The following SHC2 variants were observed in gnomAD, a reference collection of about 807,000 sequenced individuals.
SHC2 encodes the protein SHC-transforming protein 2.
Under a neutral mutation model 60.6 loss-of-function variants are expected in SHC2, and 62 were observed. That is an observed-to-expected ratio of 1.02 (90% CI 0.83 to 1.26). The LOEUF (loss-of-function observed/expected upper bound fraction) is 1.26, where lower values mean the gene tolerates loss of function less well. Ranked by LOEUF, SHC2 falls within the 50% of genes most tolerant of loss-of-function variation. The pLI is 0.00. For synonymous variants in SHC2, 375 were observed against 372.4 expected, an observed-to-expected ratio of 1.01 and a Z score of -0.08; for missense variants, 873 against 822.2, an observed-to-expected ratio of 1.06 and a Z score of -0.76.
In SHC2 at chr19:436,223, C is replaced by T. The variant is rs755232191; in HGVS notation, c.895G>A (p.Glu299Lys). The change falls in exon 7 of 13, where the codon GAG becomes AAG. Residue 299 changes from glutamate to lysine, a missense_variant. Coordinates refer to ENST00000264554, the MANE Select transcript of SHC2 (RefSeq NM_012435.3). ...TGCAGGTACTGCTTGAAGCGCAGCT[C>T]GAAAGCTTGGCCCACGGTGCTGATG... Reference protein sequence around the residue: ...SIISTVGQAFELRFKQYLHSP... With the variant: ...SIISTVGQAFKLRFKQYLHSP... 24 of 1,603,524 alleles carry T rather than the reference C, an allele frequency of 1.5e-5. No individual in the cohort carries two copies. The highest frequency in any genetic ancestry group is 3.4e-5 in the South Asian group (3 of 89,306).
chr19:419,259 A>G lies in SHC2; in HGVS notation c.1621-203T>C, dbSNP rs867041064. 19 of 582,952 alleles carry G rather than the reference A, an allele frequency of 3.3e-5. No individual in the cohort carries two copies. In the Middle Eastern group the frequency reaches 1.9e-3, roughly 58 times the overall value. The allele number at this position is 582,952 out of a possible 1,614,324, so 36.1% of individuals were successfully genotyped here. A position where few individuals can be genotyped will look rare whatever the true frequency, so the allele number is the denominator to read the frequency against. Reference sequence around the variant, plus strand: ...CATGGGCACGGGCTCTGAAACCCCCAGGGTTCTGGGGCCACGCTTCCTGTC... The same window carrying G: ...CATGGGCACGGGCTCTGAAACCCCCGGGGTTCTGGGGCCACGCTTCCTGTC... On this transcript the variant is annotated intron_variant, in intron 11 of 12. Coordinates refer to ENST00000264554, the MANE Select transcript of SHC2 (RefSeq NM_012435.3).
At chr19:450,791 G>A (rs1975164331) in intron 1 of SHC2, among the ~76,000 whole-genome samples, 1 of 151,824 alleles carries the variant, frequency 6.6e-6, no homozygotes, top group African/African-American at 2.4e-5. Flanking sequence ...ATTTCAGCAT[G>A]TGGATGGCCA....
rs1390898313 is a variant in SHC2, at chr19:453,933, C to G, written c.468+6596G>C. On this transcript the variant is annotated intron_variant, in intron 1 of 12. Transcript: ENST00000264554. The surrounding 1 kb of genome is among the most constrained non-coding windows in gnomAD (Gnocchi z 6.3). ...ACGGGACTTCTGTGTATGGACGAGC[C>G]CAGCGCCAAAATGGTACGTGTGGGA... Among the ~76,000 whole-genome samples the G allele has an allele frequency of 6.6e-6, 1 of 152,168 alleles. No homozygotes were observed. The highest frequency in any genetic ancestry group is 1.5e-5 in the Non-Finnish European group (1 of 68,020).
chr19:458,538 C>T (rs1317667369), intron 1 of SHC2, among the ~76,000 whole-genome samples: 2 of 102,568 alleles, frequency 1.9e-5, no homozygotes, highest in Non-Finnish European at 4.0e-5. Context: ...GAGGCGGATT[C>T]GGGTTCCGGG....
At chr19:430,894 T>A (rs1273025026) in intron 8 of SHC2, 147 bp from the exon 9 acceptor site, 2 of 716,038 alleles carry the variant, frequency 2.8e-6, no homozygotes, top group Non-Finnish European at 4.7e-6. Flanking sequence ...GCTCTCTCAC[T>A]CTGTAACTAG....
rs558051454 is a variant in SHC2, at chr19:446,334, C to G, written c.469-5402G>C. 2.6e-5 allele frequency among the ~76,000 whole-genome samples: 4 copies of G among 152,066 alleles called. No individual in the cohort carries two copies. Among genetic ancestry groups the G allele is most frequent in the Non-Finnish European group, 5.9e-5 (4 of 68,022 alleles). On this transcript the variant is annotated intron_variant, in intron 1 of 12. Coordinates refer to ENST00000264554, the MANE Select transcript of SHC2 (RefSeq NM_012435.3). The surrounding 1 kb of genome is among the most constrained non-coding windows in gnomAD (Gnocchi z 5.4). The stretch of plus-strand genomic sequence containing the variant: ...GGGGTTTTTGTTTGTTTGTTTGAGA[C>G]GGAGTCTTGCTCTGTCGCCAGGCTG...
intron 1 of SHC2, among the ~76,000 whole-genome samples, chr19:452,205 A>G (rs1291003404): frequency 0.061 from 4,389 of 72,494 alleles, no homozygotes; most frequent in Middle Eastern, 0.15. Flanking sequence ...GCGTTTCTCC[A>G]TTTCATTGAG....
intron 9 of SHC2, among the ~76,000 whole-genome samples, chr19:427,728 G>A (rs1260677632): frequency 1.2e-5 from 1 of 84,218 alleles, no homozygotes; most frequent in African/African-American, 5.3e-5. Flanking sequence ...ACGGCACAGG[G>A]AAGGGGGAAC....
Position 460,509 on chromosome 19 carries a change from G to C in SHC2, c.468+20C>G. 25 of 1,232,468 alleles carry C rather than the reference G, an allele frequency of 2.0e-5. No homozygotes were observed. The highest frequency in any genetic ancestry group is 2.4e-5 in the Non-Finnish European group (23 of 973,506). The allele number at this position is 1,232,468 out of a possible 1,614,324, so 76.3% of individuals were successfully genotyped here. On this transcript the variant is annotated intron_variant, in intron 1 of 12. Transcript: ENST00000264554. Reference sequence around the variant, plus strand: ...GAGGCCGCCGCGAACGGGCTCCCGGGGGGGGTGGGGGGGACTCACCCGCAC... The same window carrying C: ...GAGGCCGCCGCGAACGGGCTCCCGGCGGGGGTGGGGGGGACTCACCCGCAC...
chr19:437,211 C>A (rs1299161291), intron 4 of SHC2, among the ~76,000 whole-genome samples: 1 of 151,066 alleles, frequency 6.6e-6, no homozygotes, highest in African/African-American at 2.5e-5. Context: ...TGCTCGTTTG[C>A]GTGGTCATCT....
chr19:438,592 C>T lies in SHC2; in HGVS notation c.720+126G>A. 1.8e-6 allele frequency: 2 copies of T among 1,132,256 alleles called. No homozygotes were observed. Among genetic ancestry groups the T allele is most frequent in the South Asian group, 3.1e-5 (2 of 65,030 alleles). The allele number at this position is 1,132,256 out of a possible 1,614,324, so 70.1% of individuals were successfully genotyped here. ...CACCCCCAGCTCCTGCTCAGCGGGG[C>T]CTCGGCTCGTCTTTCTGGATAAACG... On this transcript the variant is annotated intron_variant, in intron 4 of 12. Coordinates refer to ENST00000264554, the MANE Select transcript of SHC2 (RefSeq NM_012435.3). This position sits in a 1 kb window ranked among gnomAD's most constrained non-coding sequence, Gnocchi z 5.0.
chr19:455,731 A>G (rs1489841862), intron 1 of SHC2, among the ~76,000 whole-genome samples: 1 of 152,138 alleles, frequency 6.6e-6, no homozygotes, highest in Non-Finnish European at 1.5e-5. Context: ...TTGGTTCCCA[A>G]TCTGCTCCGC....
intron 1 of SHC2, among the ~76,000 whole-genome samples, chr19:444,442 C>T (rs1391175730): frequency 1.3e-5 from 2 of 152,072 alleles, no homozygotes; most frequent in African/African-American, 4.8e-5. Flanking sequence ...CTTATTAACA[C>T]GTAGCCCACT....
At chr19:459,753 G>A (rs1600337907) in intron 1 of SHC2, among the ~76,000 whole-genome samples, 1 of 152,214 alleles carries the variant, frequency 6.6e-6, no homozygotes, top group African/African-American at 2.4e-5. Flanking sequence ...GAGGAGCTGG[G>A]AGCACCCACC....
chr19:430,934 G>C (rs76033205), intron 8 of SHC2, among the ~76,000 whole-genome samples, 187 bp from the exon 9 acceptor site: 1 of 152,272 alleles, frequency 6.6e-6, no homozygotes, highest in South Asian at 2.1e-4. Flanking sequence ...CACCTCTGCC[G>C]TGGCCTTCCC....
At chr19:449,948 G>A (rs557561924) in intron 1 of SHC2, among the ~76,000 whole-genome samples, 57 of 152,278 alleles carry the variant, frequency 3.7e-4, no homozygotes, top group African/African-American at 1.4e-3. Context: ...TTTGATCTAA[G>A]GTTGAAACTA....
rs528194579 is a variant in SHC2 at position 425,020 on chromosome 19, T to G, written c.1309+77A>C. 133 of 1,307,926 alleles carry G rather than the reference T, an allele frequency of 1.0e-4. No homozygotes were observed. The East Asian group carries it at 3.6e-3, about 35-fold the overall frequency. The allele number at this position is 1,307,926 out of a possible 1,614,324, so 81.0% of individuals were successfully genotyped here. A position where few individuals can be genotyped will look rare whatever the true frequency, so the allele number is the denominator to read the frequency against. Reference sequence around the variant, plus strand: ...TCAGACCAGGGAATCCCGTAGGGAGTGGGGGTGGGGTTGTGCCTCCCCCAT... The same window carrying G: ...TCAGACCAGGGAATCCCGTAGGGAGGGGGGGTGGGGTTGTGCCTCCCCCAT... On this transcript the variant is annotated intron_variant, in intron 10 of 12. Transcript: ENST00000264554. This position sits in a 1 kb window ranked among gnomAD's most constrained non-coding sequence, Gnocchi z 4.1.
At chr19:436,737 G>A in intron 4 of SHC2, 54 bp from the exon 5 acceptor site, 2 of 1,533,246 alleles carry the variant, frequency 1.3e-6, no homozygotes, top group Admixed American at 1.8e-5. Context: ...GAGGGCAGGG[G>A]GCCCGGCAGA....
Position 441,058 on chromosome 19 carries a change from G to T in SHC2, c.469-126C>A. On this transcript the variant is annotated intron_variant, in intron 1 of 12. Coordinates refer to ENST00000264554, the MANE Select transcript of SHC2 (RefSeq NM_012435.3). This position sits in a 1 kb window ranked among gnomAD's most constrained non-coding sequence, Gnocchi z 4.9. The stretch of plus-strand genomic sequence containing the variant: ...CGAGCCCTTTCCTCTGTCCCTGGTG[G>T]CTCTGGGGCCGTCGTGCCTCCCCCA... 1 of 1,500,300 alleles carries T rather than the reference G, an allele frequency of 6.7e-7. No individual in the cohort carries two copies. The highest frequency in any genetic ancestry group is 2.3e-5 in the East Asian group (1 of 43,036). 92.9% of individuals were successfully genotyped at this position (1,500,300 alleles called of 1,614,324 possible).
Sources: allele counts gnomAD v4.1 joint callset (sites outside exome capture counted in the v4.1 genomes callset), GRCh38; gene constraint gnomAD v4.1.1; non-coding constraint Gnocchi (gnomAD v3.1); transcripts MANE v1.5; gene names NCBI Gene and HGNC (gene_info 2026-07-23, HGNC 2026-07-21).